Variants in CDK19 observed in about 807,000 individuals in gnomAD.
The protein encoded by CDK19 is cyclin dependent kinase 19.
A neutral mutation model predicts 68.3 loss-of-function variants in CDK19; 20 were observed. The observed-to-expected ratio is 0.29, with a 90% CI of 0.21 to 0.43. The LOEUF is 0.43. Among genes scored for constraint, CDK19 ranks in the 20% least tolerant of loss-of-function variants. The pLI, the probability that CDK19 is intolerant of heterozygous loss-of-function variation, is 1.00. For missense variants in CDK19, 339 were observed against 623.5 expected (o/e 0.54, Z 4.86); for synonymous variants, 221 against 222.8 (o/e 0.99, Z 0.07).
At chr6:110,630,500 AAAAAC>A (rs1779370453) in intron 6 of CDK19, among the ~76,000 whole-genome samples, 1 of 152,238 alleles carries the variant, frequency 6.6e-6, no homozygotes, top group Non-Finnish European at 1.5e-5. Context: ...AAATGACAGA[AAAAAC>A]AAACTTATGA....
chr6:110,772,943 T>G (rs1780134781), intron 1 of CDK19, among the ~76,000 whole-genome samples: 1 of 145,284 alleles, frequency 6.9e-6, no homozygotes, highest in Admixed American at 6.9e-5. Flanking sequence ...TAGCAGGGCG[T>G]GGTGGCCAAT....
At chr6:110,767,908 T>C (rs1030171051) in intron 1 of CDK19, among the ~76,000 whole-genome samples, 3 of 152,070 alleles carry the variant, frequency 2.0e-5, no homozygotes, top group African/African-American at 7.2e-5. Context: ...ATACAAGCCA[T>C]TGACTGGGAG....
chr6:110,815,250 C>T lies in CDK19; in HGVS notation c.-114G>A. 2 of 1,188,358 alleles carry T rather than the reference C, an allele frequency of 1.7e-6. No individual in the cohort carries two copies. Among genetic ancestry groups the T allele is most frequent in the African/African-American group, 1.7e-5 (1 of 60,362 alleles). 73.6% of individuals were successfully genotyped at this position (1,188,358 alleles called of 1,614,324 possible). A position where few individuals can be genotyped will look rare whatever the true frequency, so the allele number is the denominator to read the frequency against. On this transcript the variant is annotated 5_prime_UTR_variant, in exon 1 of 13. Transcript: ENST00000368911. ...CTCCAACAGCCGCCTCTCGCGCGCG[C>T]GCGCGCGCCGCCCGCCGCCCGCCGC...
rs1341191789 is a variant in CDK19 at position 110,746,825 on chromosome 6, A to G, written c.129-624T>C. On this transcript the variant is annotated intron_variant, in intron 1 of 12. Coordinates refer to ENST00000368911, the MANE Select transcript of CDK19 (RefSeq NM_015076.5). ...GGATTTTTCAAACAATGGACATAGTATTAGGAATCCTGGGAAATCCCAACA... is the reference window on the plus strand; with the variant it reads ...GGATTTTTCAAACAATGGACATAGTGTTAGGAATCCTGGGAAATCCCAACA... Among the ~76,000 whole-genome samples the G allele has an allele frequency of 2.0e-5, 3 of 152,240 alleles. No individual in the cohort carries two copies. The East Asian group carries it at 5.8e-4, about 29-fold the overall frequency.
intron 2 of CDK19, among the ~76,000 whole-genome samples, chr6:110,694,052 G>T (rs1773263479): frequency 6.9e-6 from 1 of 145,334 alleles, no homozygotes; most frequent in African/African-American, 2.6e-5. Flanking sequence ...ATCTCACAGG[G>T]CCTACAAAAC....
At chr6:110,671,707 G>A (rs1315408399) in intron 2 of CDK19, among the ~76,000 whole-genome samples, 1 of 152,176 alleles carries the variant, frequency 6.6e-6, no homozygotes, top group Admixed American at 6.5e-5. Flanking sequence ...CCACAATGTG[G>A]TAAGGAAGAC....
chr6:110,646,732 T>C (rs957731319), intron 4 of CDK19, among the ~76,000 whole-genome samples: 72 of 152,058 alleles, frequency 4.7e-4, no homozygotes, highest in African/African-American at 1.7e-3. Flanking sequence ...TTAACCCACC[T>C]CGGCTGCCTC....
intron 2 of CDK19, among the ~76,000 whole-genome samples, chr6:110,744,734 T>C (rs1311521644): frequency 1.3e-5 from 2 of 152,178 alleles, no homozygotes; most frequent in Non-Finnish European, 2.9e-5. Flanking sequence ...GCTCCCATTC[T>C]AGAATTAAAG....
At chr6:110,748,038 T>C (rs890842828) in intron 1 of CDK19, among the ~76,000 whole-genome samples, 13 of 152,252 alleles carry the variant, frequency 8.5e-5, no homozygotes, top group Admixed American at 8.5e-4. Flanking sequence ...AAGTTTGATG[T>C]ATTCTTGAAA....
At chr6:110,755,289 C>T (rs1188961254) in intron 1 of CDK19, among the ~76,000 whole-genome samples, 1 of 152,120 alleles carries the variant, frequency 6.6e-6, no homozygotes, top group African/African-American at 2.4e-5. Context: ...GACCCGCTTG[C>T]CTCACCTCCC....
chr6:110,676,522 C>A (rs1042798726), intron 2 of CDK19, among the ~76,000 whole-genome samples: 1 of 152,112 alleles, frequency 6.6e-6, no homozygotes, highest in Non-Finnish European at 1.5e-5. Context: ...AGGAAGAGTT[C>A]ATTGATGCAG....
chr6:110,647,413 G>A (rs981924061), intron 4 of CDK19, among the ~76,000 whole-genome samples: 13 of 152,082 alleles, frequency 8.5e-5, no homozygotes, highest in African/African-American at 2.9e-4. Context: ...AAGATAAAGG[G>A]TAGAAATCCA....
At chr6:110,739,358 G>A (rs1234916136) in intron 2 of CDK19, among the ~76,000 whole-genome samples, 1 of 152,090 alleles carries the variant, frequency 6.6e-6, no homozygotes, top group Admixed American at 6.5e-5. Context: ...CTAGGAAGTG[G>A]ACCCTTACCA....
At chr6:110,689,949 G>A (rs925383666) in intron 2 of CDK19, among the ~76,000 whole-genome samples, 66 of 152,166 alleles carry the variant, frequency 4.3e-4, no homozygotes, top group Non-Finnish European at 7.3e-4. Flanking sequence ...AAATCATTGC[G>A]ACAGCAGGCT....
chr6:110,721,688 G>A (rs895910027), intron 2 of CDK19, among the ~76,000 whole-genome samples: 9 of 152,024 alleles, frequency 5.9e-5, no homozygotes, highest in East Asian at 1.9e-4. Flanking sequence ...AGATCAGGCC[G>A]GGCATGGCAG....
At chr6:110,797,806 G>A (rs1004898239) in intron 1 of CDK19, among the ~76,000 whole-genome samples, 2 of 152,060 alleles carry the variant, frequency 1.3e-5, no homozygotes, top group Non-Finnish European at 2.9e-5. Context: ...CCAACATGGT[G>A]AAACCCCATC....
intron 4 of CDK19, among the ~76,000 whole-genome samples, chr6:110,655,232 G>A (rs1045359911): frequency 2.0e-5 from 3 of 151,870 alleles, no homozygotes; most frequent in African/African-American, 7.3e-5. Context: ...CGGGCATGGT[G>A]GCACGCACCT....
intron 2 of CDK19, among the ~76,000 whole-genome samples, chr6:110,712,167 G>C (rs369009471): frequency 6.6e-6 from 1 of 152,108 alleles, no homozygotes; most frequent in East Asian, 1.9e-4. Flanking sequence ...AATAAGTTTG[G>C]GAAATGCTGA....
chr6:110,645,747 G>T (rs1780519236), intron 4 of CDK19: 4 of 518,514 alleles, frequency 7.7e-6, no homozygotes, highest in South Asian at 3.6e-5. Flanking sequence ...TGGTGTCCAC[G>T]GTAATGCATG....
Sources: allele counts gnomAD v4.1 joint callset (sites outside exome capture counted in the v4.1 genomes callset), GRCh38; gene constraint gnomAD v4.1.1; transcripts MANE v1.5; gene names NCBI Gene and HGNC (gene_info 2026-07-23, HGNC 2026-07-21).